TMEM232: variants seen among roughly 807,000 people sequenced by gnomAD.
The protein encoded by TMEM232 is transmembrane protein 232.
TMEM232 carries 80 observed loss-of-function variants against 78.8 expected under a neutral mutation model. The observed-to-expected ratio is 1.01, with a 90% CI of 0.85 to 1.22. The LOEUF is 1.22. TMEM232 is among the 50% of genes most tolerant of loss of function. The pLI is 0.00. For synonymous variants in TMEM232, 297 were observed against 254.3 expected (o/e 1.17, Z -1.60); for missense variants, 881 against 742.2 (o/e 1.19, Z -2.17).
At chr5:110,681,875 G>C (rs12109956) in intron 1 of TMEM232, among the ~76,000 whole-genome samples, 2,040 of 152,234 alleles carry the variant, frequency 0.013, 56 homozygotes, top group African/African-American at 0.046. Context: ...CTTCTCGGGA[G>C]AGTTATATGC....
upstream of TMEM232, among the ~76,000 whole-genome samples, chr5:110,730,150 C>T (rs1402632142): frequency 2.0e-5 from 3 of 151,450 alleles, no homozygotes; most frequent in South Asian, 4.3e-4. Flanking sequence ...AAACCTTAAG[C>T]TTCAGTCCTC....
chr5:110,726,175 C>CTA lies in TMEM232; in HGVS notation c.-13+451_-13+452insTA, dbSNP rs1798136304. On this transcript the variant is annotated intron_variant, in intron 1 of 13. Coordinates refer to ENST00000455884, the MANE Select transcript of TMEM232 (RefSeq NM_001039763.4). ...ATTTTTGAACCTTCTCTTTTGAAGT[C>CTA]CAAGAGTCTTCATACTAAATAAATA... Among the ~76,000 whole-genome samples the CTA allele has an allele frequency of 1.4e-3, 9 of 6,512 alleles. No homozygotes were observed. In the Admixed American group the frequency reaches 0.041, roughly 30 times the overall value. 4.3% of individuals were successfully genotyped at this position (6,512 alleles called of 152,430 possible).
At chr5:110,605,496 C>G in intron 9 of TMEM232, 138 bp from the exon 10 acceptor site, 1 of 869,816 alleles carries the variant, frequency 1.1e-6, no homozygotes, top group Non-Finnish European at 1.6e-6. Flanking sequence ...ATGGGTTTAC[C>G]ATGAGTAGAC....
At chr5:110,421,729 C>A (rs566293251) in intron 13 of TMEM232, among the ~76,000 whole-genome samples, 2 of 152,202 alleles carry the variant, frequency 1.3e-5, no homozygotes, top group East Asian at 3.9e-4. Flanking sequence ...TAATAAAAAG[C>A]AGAGCTAAAC....
At chr5:110,494,977 G>A (rs1218316242) in intron 12 of TMEM232, among the ~76,000 whole-genome samples, 1 of 151,368 alleles carries the variant, frequency 6.6e-6, no homozygotes, top group Admixed American at 6.6e-5. Context: ...AACAAATTTG[G>A]GATAATGGAA....
In TMEM232 at chr5:110,420,735, G is replaced by T; in HGVS notation, c.1819C>A (p.Arg607=). ...DHHWQEELKI[R]EKEDAICKAQ... is the part of the protein sequence containing the mutation. ...TTGCATATTGCATCTTCTTTTTCTCGGATCTTTAGCTCTTCCTGCCACTGT... is the reference window on the plus strand; with the variant it reads ...TTGCATATTGCATCTTCTTTTTCTCTGATCTTTAGCTCTTCCTGCCACTGT... The change falls in exon 14 of 14, where the codon CGA becomes AGA. Residue 607 remains arginine (R), a synonymous_variant. Coordinates refer to ENST00000455884, the MANE Select transcript of TMEM232 (RefSeq NM_001039763.4). The T allele has an allele frequency of 6.6e-7, 1 of 1,518,228 alleles. No homozygotes were observed. Among genetic ancestry groups the T allele is most frequent in the Non-Finnish European group, 8.8e-7 (1 of 1,141,264 alleles). 94.0% of individuals were successfully genotyped at this position (1,518,228 alleles called of 1,614,324 possible).
At chr5:110,671,629 C>T (rs1442833075) in intron 1 of TMEM232, among the ~76,000 whole-genome samples, 4 of 152,166 alleles carry the variant, frequency 2.6e-5, no homozygotes, top group African/African-American at 9.7e-5. Flanking sequence ...CCATCATTCT[C>T]AGCAAACTAA....
At chr5:110,667,912 G>A (rs976164730) in intron 1 of TMEM232, among the ~76,000 whole-genome samples, 1 of 151,468 alleles carries the variant, frequency 6.6e-6, no homozygotes, top group East Asian at 1.9e-4. Context: ...TTGTTTTTAC[G>A]CCCAGAATGT....
intron 12 of TMEM232, among the ~76,000 whole-genome samples, chr5:110,487,869 A>G (rs1288473362): frequency 6.6e-6 from 1 of 152,040 alleles, no homozygotes; most frequent in Non-Finnish European, 1.5e-5. Context: ...ATAGCGTCAA[A>G]AGGATTGGTT....
At position 110,652,484 on chromosome 5, in the gene TMEM232, C is replaced by T. The variant is rs182416571; in HGVS notation, c.126-10113G>A. ...ATCTAATTCAATTTCTATGTTCAAA[C>T]TACATTGTATAATAATTTTAGTTTT... On this transcript the variant is annotated intron_variant, in intron 2 of 13. Transcript: ENST00000455884. 9.9e-5 allele frequency among the ~76,000 whole-genome samples: 15 copies of T among 152,284 alleles called. No homozygotes were observed. In the East Asian group the frequency reaches 2.9e-3, roughly 29 times the overall value.
chr5:110,499,571 A>C (rs1392084374), intron 12 of TMEM232, among the ~76,000 whole-genome samples: 1 of 152,028 alleles, frequency 6.6e-6, no homozygotes, highest in Admixed American at 6.6e-5. Flanking sequence ...ATACATTTTA[A>C]ATTAAAAGAC....
intron 10 of TMEM232, among the ~76,000 whole-genome samples, chr5:110,595,432 G>A (rs997770985): frequency 2.0e-5 from 3 of 152,178 alleles, no homozygotes; most frequent in Non-Finnish European, 2.9e-5. Flanking sequence ...AGTTTGATGA[G>A]TTGACAGAAG....
At chr5:110,624,733 T>C (rs1451258088) in intron 7 of TMEM232, among the ~76,000 whole-genome samples, 1 of 152,050 alleles carries the variant, frequency 6.6e-6, no homozygotes, top group East Asian at 1.9e-4. Context: ...AATTTTTTTC[T>C]TATATATTTA....
chr5:110,738,881 A>G, upstream of TMEM232: 1 of 1,002,364 alleles, frequency 1.0e-6, no homozygotes, highest in Non-Finnish European at 1.4e-6. Flanking sequence ...CCTAACGACA[A>G]CAAACTTTTA....
chr5:110,639,110 TCAGTAGGGCTGAA>T lies in TMEM232; in HGVS notation c.344-768_344-756del, dbSNP rs1316921650. On this transcript the variant is annotated intron_variant, in intron 4 of 13. Coordinates refer to ENST00000455884, the MANE Select transcript of TMEM232 (RefSeq NM_001039763.4). ...ACATGCTCAAGGGACAGGAAGGAGG[TCAGTAGGGCTGAA>T]CATAATGAGTAAGTAGGGAGGTAGC... Among the ~76,000 whole-genome samples, 3 of 150,678 alleles carry T rather than the reference TCAGTAGGGCTGAA, an allele frequency of 2.0e-5. No homozygotes were observed. The East Asian group carries it at 5.9e-4, about 29-fold the overall frequency.
At position 110,657,395 on chromosome 5, in the gene TMEM232, G is replaced by GTGTGTA. The variant is rs913428031; in HGVS notation, c.125+9832_125+9833insTACACA. On this transcript the variant is annotated intron_variant, in intron 2 of 13. Coordinates refer to ENST00000455884, the MANE Select transcript of TMEM232 (RefSeq NM_001039763.4). ...TGGATATCTATCTGAGTGTGTGTGT[G>GTGTGTA]TGTGTGTGTGTGTAGTAGAATACTA... Among the ~76,000 whole-genome samples the GTGTGTA allele has an allele frequency of 6.6e-3, 1,003 of 151,964 alleles. 11 individuals carry two copies. Among genetic ancestry groups the GTGTGTA allele is most frequent in the African/African-American group, 0.023 (938 of 41,442 alleles).
At chr5:110,638,423 A>G in intron 4 of TMEM232, 68 bp from the exon 5 acceptor site, 2 of 1,394,738 alleles carry the variant, frequency 1.4e-6, no homozygotes, top group East Asian at 2.5e-5. Flanking sequence ...TGCTATAATT[A>G]CTTTTTGTAA....
intron 6 of TMEM232, among the ~76,000 whole-genome samples, chr5:110,627,550 G>T (rs1163096132): frequency 1.3e-5 from 2 of 151,968 alleles, no homozygotes; most frequent in African/African-American, 2.4e-5. Context: ...GGAAAAAAAA[G>T]TAGAGTCAGA....
chr5:110,601,107 C>A (rs1443580889), intron 10 of TMEM232, among the ~76,000 whole-genome samples: 2 of 152,232 alleles, frequency 1.3e-5, no homozygotes, highest in South Asian at 2.1e-4. Flanking sequence ...AAATTCAACA[C>A]CCTTAATGCT....
Sources: allele counts gnomAD v4.1 joint callset (sites outside exome capture counted in the v4.1 genomes callset), GRCh38; gene constraint gnomAD v4.1.1; transcripts MANE v1.5; gene names NCBI Gene and HGNC (gene_info 2026-07-23, HGNC 2026-07-21).